IQSEC3: variants seen among roughly 807,000 people sequenced by gnomAD.
The protein encoded by IQSEC3 is IQ motif and Sec7 domain ArfGEF 3.
A neutral mutation model predicts 105.4 loss-of-function variants in IQSEC3; 50 were observed. The observed-to-expected ratio is 0.47, with a 90% CI of 0.38 to 0.60. IQSEC3 has a LOEUF of 0.60. Among genes scored for constraint, IQSEC3 ranks in the 20% least tolerant of loss-of-function variants. The pLI is 0.00. For synonymous variants in IQSEC3, 708 were observed against 746.0 expected, an observed-to-expected ratio of 0.95 and a Z score of 0.83; for missense variants, 1,415 against 1,630.0, an observed-to-expected ratio of 0.87 and a Z score of 2.27.
chr12:103,783 G>A (rs1591656176), intron 2 of IQSEC3, among the ~76,000 whole-genome samples: 1 of 26,400 alleles, frequency 3.8e-5, no homozygotes. Flanking sequence ...AGGAGGGGAG[G>A]CGGGGCTCAG....
chr12:115,723 G>A (rs1424432121), intron 2 of IQSEC3, among the ~76,000 whole-genome samples: 2 of 152,204 alleles, frequency 1.3e-5, no homozygotes, highest in Non-Finnish European at 1.5e-5. Flanking sequence ...AACTAGCCCA[G>A]TGCCACACAG....
Position 177,385 on chromosome 12 carries a change from C to A in IQSEC3, c.*2352C>A, listed in dbSNP as rs1939272308. 1 of 152,298 alleles carries A rather than the reference C, an allele frequency of 6.6e-6. No individual in the cohort carries two copies. Among genetic ancestry groups the A allele is most frequent in the Non-Finnish European group, 1.5e-5 (1 of 68,108 alleles). 9.4% of individuals were successfully genotyped at this position (152,298 alleles called of 1,614,324 possible). ...GCCCTCCCTCCCACCTCAGCTGAAG[C>A]CCCAATCTTCCAAATCGGAACCAGC... On this transcript the variant is annotated 3_prime_UTR_variant, in exon 14 of 14. Coordinates refer to ENST00000538872, the MANE Select transcript of IQSEC3 (RefSeq NM_001170738.2). The surrounding 1 kb of genome is among the most constrained non-coding windows in gnomAD (Gnocchi z 5.3).
At chr12:174,474 GGCGAGAGGGTCAGA>G in intron 13 of IQSEC3, 111 bp from the exon 14 acceptor site, 1 of 877,430 alleles carries the variant, frequency 1.1e-6, no homozygotes, top group Non-Finnish European at 1.7e-6. Context: ...GTGGAGAGAT[GGCGAGAGGGTCAGA>G]GTGAGGGCTG....
At chr12:93,021 T>G (rs933357837) in intron 1 of IQSEC3, among the ~76,000 whole-genome samples, 7 of 152,268 alleles carry the variant, frequency 4.6e-5, no homozygotes, top group Admixed American at 4.6e-4. Flanking sequence ...AAGGTACTTT[T>G]GTGTGGCCTT....
chr12:114,266 T>C (rs557269510), intron 2 of IQSEC3, among the ~76,000 whole-genome samples: 10 of 152,344 alleles, frequency 6.6e-5, no homozygotes, highest in Admixed American at 2.0e-4. Flanking sequence ...GGCCACATGC[T>C]TCATGTGATG....
At chr12:93,330 G>T (rs1447295348) in intron 1 of IQSEC3, among the ~76,000 whole-genome samples, 2 of 152,184 alleles carry the variant, frequency 1.3e-5, no homozygotes, top group Non-Finnish European at 2.9e-5. Flanking sequence ...TGTGCCCATG[G>T]TCCCCTGCCT....
chr12:155,951 C>T (rs1555094108), intron 5 of IQSEC3, among the ~76,000 whole-genome samples: 1 of 152,154 alleles, frequency 6.6e-6, no homozygotes, highest in South Asian at 2.1e-4. Context: ...GAAAGCAATG[C>T]CCAGGGGACA....
rs56871643 is a variant in IQSEC3, at chr12:126,544, G to GGTGTGTGTGTGTGTGTGTGT, written c.903+642_903+661dup. ...TTGGCAGACAAGAGTCTTGATGGAAGGTGTGTGTGTGTGTGTGTGTGTGTG... is the reference window on the plus strand; with the variant it reads ...TTGGCAGACAAGAGTCTTGATGGAAGGTGTGTGTGTGTGTGTGTGTGTGTGTGTGTGTGTGTGTGTGTGTG... On this transcript the variant is annotated intron_variant, in intron 3 of 13. Coordinates refer to ENST00000538872, the MANE Select transcript of IQSEC3 (RefSeq NM_001170738.2). 1.3e-3 allele frequency among the ~76,000 whole-genome samples: 193 copies of GGTGTGTGTGTGTGTGTGTGT among 145,820 alleles called. No individual in the cohort carries two copies. In the East Asian group the frequency reaches 0.017, roughly 13 times the overall value.
At chr12:151,013 T>C (rs1215843699) in intron 5 of IQSEC3, among the ~76,000 whole-genome samples, 1 of 146,900 alleles carries the variant, frequency 6.8e-6, no homozygotes, top group Non-Finnish European at 1.5e-5. Flanking sequence ...TCCAGGCCCC[T>C]GGGTGCTCCT....
rs1485747721 is a variant in IQSEC3, at chr12:153,926, C to T, written c.2154-3099C>T. On this transcript the variant is annotated intron_variant, in intron 5 of 13. Coordinates refer to ENST00000538872, the MANE Select transcript of IQSEC3 (RefSeq NM_001170738.2). ...AATGCTGATTCCCAGGACTTGCCCC[C>T]AAATATTCTAATTTGCTGGGTCTGG... Among the ~76,000 whole-genome samples the T allele has an allele frequency of 1.3e-5, 2 of 152,154 alleles. 1 individual carries two copies. Among genetic ancestry groups the T allele is most frequent in the Non-Finnish European group, 2.9e-5 (2 of 68,036 alleles).
chr12:71,613 A>G (rs1863321618), intron 1 of IQSEC3, among the ~76,000 whole-genome samples: 1 of 152,266 alleles, frequency 6.6e-6, no homozygotes, highest in Non-Finnish European at 1.5e-5. Context: ...AATTCAATCT[A>G]TGGAGATACC....
chr12:93,222 C>A (rs531425182), intron 1 of IQSEC3, among the ~76,000 whole-genome samples: 2 of 152,152 alleles, frequency 1.3e-5, no homozygotes, highest in African/African-American at 2.4e-5. Context: ...ATGGACCCCC[C>A]CAAAGCTTCA....
At chr12:167,576 G>GAAA (rs59241356) in intron 11 of IQSEC3, 40,300 of 137,818 alleles carry the variant, frequency 0.29, 5,970 homozygotes, top group South Asian at 0.43. Flanking sequence ...AGGAAGCCAG[G>GAAA]AAAAAAAAAA....
At chr12:131,714 C>T (rs1322386622) in intron 3 of IQSEC3, among the ~76,000 whole-genome samples, 3 of 151,944 alleles carry the variant, frequency 2.0e-5, no homozygotes, top group African/African-American at 7.3e-5. Context: ...GAGCTCTGAG[C>T]AGGGGGTGGC....
At chr12:101,073 A>G (rs1007919271) in intron 2 of IQSEC3, among the ~76,000 whole-genome samples, 43 of 152,176 alleles carry the variant, frequency 2.8e-4, no homozygotes, top group Admixed American at 1.3e-4. Flanking sequence ...ACCAGGCCTC[A>G]GTGAGGATGG....
At chr12:78,802 AG>A (rs1182291301) in intron 1 of IQSEC3, among the ~76,000 whole-genome samples, 3 of 152,234 alleles carry the variant, frequency 2.0e-5, no homozygotes, top group Admixed American at 6.5e-5. Flanking sequence ...GTAAAGCGTC[AG>A]GCAAGCCGAG....
intron 2 of IQSEC3, among the ~76,000 whole-genome samples, chr12:124,620 C>G (rs57179192): frequency 0.27 from 40,627 of 152,056 alleles, 6,029 homozygotes; most frequent in Non-Finnish European, 0.34. Context: ...GTGTTAACCA[C>G]GATGACTCTC....
At chr12:135,152 A>G (rs370261186) in intron 3 of IQSEC3, among the ~76,000 whole-genome samples, 7 of 152,178 alleles carry the variant, frequency 4.6e-5, no homozygotes, top group African/African-American at 1.7e-4. Context: ...AAGAAATGTG[A>G]AATCTGTCAG....
At position 138,336 on chromosome 12, in the gene IQSEC3, G is replaced by A. The variant is rs781923937; in HGVS notation, c.973G>A (p.Ala325Thr). 1 of 1,613,692 alleles carries A rather than the reference G, an allele frequency of 6.2e-7. No individual in the cohort carries two copies. The highest frequency in any genetic ancestry group is 8.5e-7 in the Non-Finnish European group (1 of 1,180,006). ...SRRAACTIQT[A>T]FRQYQLSKNF... ...GCGCGCCGCTTGCACCATCCAAACC[G>A]CCTTCCGCCAATACCAGCTCAGCAA... The change falls in exon 4 of 14, where the codon GCC (alanine) becomes ACC (threonine). Residue 325 changes from alanine (A) to threonine (T), a missense_variant. This residue lies in a region of IQSEC3 where 720 missense variants were observed against 633.0 expected (regional missense o/e 1.14). Coordinates refer to ENST00000538872, the MANE Select transcript of IQSEC3 (RefSeq NM_001170738.2). This position sits in a 1 kb window ranked among gnomAD's most constrained non-coding sequence, Gnocchi z 7.1.
Sources: allele counts gnomAD v4.1 joint callset (sites outside exome capture counted in the v4.1 genomes callset), GRCh38; gene constraint gnomAD v4.1.1; regional missense constraint gnomAD v4.1.1; non-coding constraint Gnocchi (gnomAD v3.1); transcripts MANE v1.5; gene names NCBI Gene and HGNC (gene_info 2026-07-23, HGNC 2026-07-21).